The following NOS1AP variants were observed in gnomAD, a reference collection of about 807,000 sequenced individuals.
NOS1AP encodes carboxyl-terminal PDZ ligand of neuronal nitric oxide synthase protein.
Under a neutral mutation model 56.2 loss-of-function variants are expected in NOS1AP, and 21 were observed. The observed-to-expected ratio is 0.37, with a 90% CI of 0.26 to 0.54. The LOEUF (loss-of-function observed/expected upper bound fraction) is 0.54, where lower values mean the gene tolerates loss of function less well. Among genes scored for constraint, NOS1AP ranks in the 20% least tolerant of loss-of-function variants. The probability of loss-of-function intolerance (pLI) is 0.84; values close to 1 mark genes in which losing one functional copy is unlikely to be tolerated. For synonymous variants in NOS1AP, 270 were observed against 274.6 expected (o/e 0.98, Z 0.17); for missense variants, 522 against 657.8 (o/e 0.79, Z 2.26).
chr1:162,137,192 C>T (rs192949275), intron 1 of NOS1AP, among the ~76,000 whole-genome samples: 6 of 152,166 alleles, frequency 3.9e-5, no homozygotes, highest in African/African-American at 1.4e-4. Context: ...TTGCACTCAG[C>T]CTCCTGCAAA....
intron 1 of NOS1AP, among the ~76,000 whole-genome samples, chr1:162,147,897 G>GC (rs1235876733): frequency 6.6e-6 from 1 of 152,110 alleles, no homozygotes; most frequent in African/African-American, 2.4e-5. Context: ...CTGAATAGAG[G>GC]CCCTGTTTGA....
At chr1:162,326,613 A>G (rs1416842196) in intron 4 of NOS1AP, among the ~76,000 whole-genome samples, 1 of 152,204 alleles carries the variant, frequency 6.6e-6, no homozygotes, top group Non-Finnish European at 1.5e-5. Flanking sequence ...CAGGAATGCT[A>G]ATATATGGTT....
intron 1 of NOS1AP, among the ~76,000 whole-genome samples, chr1:162,083,663 A>G (rs1691940488): frequency 6.6e-6 from 1 of 152,174 alleles, no homozygotes; most frequent in South Asian, 2.1e-4. Flanking sequence ...AAGTCACGTA[A>G]ATGCATTTTT....
intron 1 of NOS1AP, among the ~76,000 whole-genome samples, chr1:162,093,772 T>G (rs1365208234): frequency 6.6e-6 from 1 of 152,094 alleles, no homozygotes; most frequent in Non-Finnish European, 1.5e-5. Flanking sequence ...AGGCTGGTCT[T>G]GAACTCTTGG....
intron 4 of NOS1AP, chr1:162,317,870 C>G (rs923215063): frequency 6.6e-6 from 1 of 152,214 alleles, no homozygotes; most frequent in Non-Finnish European, 1.5e-5. Flanking sequence ...GGACACTTTA[C>G]TAAACATTAA....
At chr1:162,294,796 A>G (rs1240976412) in intron 3 of NOS1AP, among the ~76,000 whole-genome samples, 5 of 152,214 alleles carry the variant, frequency 3.3e-5, no homozygotes, top group Non-Finnish European at 5.9e-5. Context: ...ACATATCCAC[A>G]TATAGAATTT....
chr1:162,078,894 T>G (rs1691829566), intron 1 of NOS1AP, among the ~76,000 whole-genome samples: 1 of 152,188 alleles, frequency 6.6e-6, no homozygotes, highest in Non-Finnish European at 1.5e-5. Flanking sequence ...TAGAGCTGCT[T>G]GTCCTGTCCA....
chr1:162,169,361 G>A (rs1650653324), intron 2 of NOS1AP, among the ~76,000 whole-genome samples: 1 of 152,194 alleles, frequency 6.6e-6, no homozygotes, highest in South Asian at 2.1e-4. Flanking sequence ...TAAGAGTTTG[G>A]CTGCCTTTAA....
intron 1 of NOS1AP, among the ~76,000 whole-genome samples, chr1:162,106,329 A>G (rs1238821954): frequency 6.6e-6 from 1 of 152,154 alleles, no homozygotes; most frequent in Non-Finnish European, 1.5e-5. Context: ...TCCCAATGTG[A>G]GAACTCAGAT....
At chr1:162,256,439 C>A (rs1045235572) in intron 2 of NOS1AP, among the ~76,000 whole-genome samples, 1 of 152,148 alleles carries the variant, frequency 6.6e-6, no homozygotes, top group Admixed American at 6.5e-5. Flanking sequence ...TGGGATTTTC[C>A]CTTGTTGGCC....
intron 4 of NOS1AP, among the ~76,000 whole-genome samples, chr1:162,307,929 A>G (rs556720319): frequency 6.6e-6 from 1 of 152,334 alleles, no homozygotes; most frequent in African/African-American, 2.4e-5. Flanking sequence ...AGAGAAGGGA[A>G]GAAGGGTTGC....
rs1653278060 is a variant in NOS1AP at position 162,236,006 on chromosome 1, C to T, written c.178-51338C>T. Among the ~76,000 whole-genome samples the T allele has an allele frequency of 3.3e-5, 5 of 152,340 alleles. No individual in the cohort carries two copies. The South Asian group carries it at 8.3e-4, about 25-fold the overall frequency. On this transcript the variant is annotated intron_variant, in intron 2 of 9. Transcript: ENST00000361897. ...AAGAGTTTGTTAGGAGCACAGTCTA[C>T]ATGTTAAGTGATATTTCATGTCACT...
intron 2 of NOS1AP, among the ~76,000 whole-genome samples, chr1:162,174,340 A>G (rs1428911109): frequency 2.0e-5 from 3 of 147,414 alleles, no homozygotes; most frequent in African/African-American, 5.0e-5. Context: ...GTTCTCACTT[A>G]TAGGTGGGAA....
rs146554991 is a variant in NOS1AP at position 162,141,807 on chromosome 1, C to T, written c.106-12598C>T. On this transcript the variant is annotated intron_variant, in intron 1 of 9. Transcript: ENST00000361897. ...AGTTGCTGTTTTGTGATGCTGCTGC[C>T]GATGTTAATGAGAATGATTAATTCC... 6.0e-4 allele frequency among the ~76,000 whole-genome samples: 92 copies of T among 152,176 alleles called. 1 individual carries two copies. The highest frequency in any genetic ancestry group is 2.0e-3 in the African/African-American group (81 of 41,520).
intron 2 of NOS1AP, among the ~76,000 whole-genome samples, chr1:162,174,122 C>T (rs1326193483): frequency 7.2e-5 from 11 of 151,996 alleles, no homozygotes; most frequent in South Asian, 2.1e-4. Context: ...ATGTTTATTG[C>T]GGCACTATTC....
intron 2 of NOS1AP, among the ~76,000 whole-genome samples, chr1:162,221,585 A>G (rs1302018471): frequency 6.7e-6 from 1 of 149,244 alleles, no homozygotes; most frequent in Non-Finnish European, 1.5e-5. Flanking sequence ...GGTTAAGACC[A>G]TGGTGTCTGG....
chr1:162,292,580 TCTTA>T (rs1416310145), intron 3 of NOS1AP, among the ~76,000 whole-genome samples: 1 of 152,196 alleles, frequency 6.6e-6, no homozygotes, highest in Non-Finnish European at 1.5e-5. Context: ...TCGAACCTTG[TCTTA>T]CTTAAATCCC....
intron 2 of NOS1AP, among the ~76,000 whole-genome samples, chr1:162,271,160 G>A (rs147925646): frequency 6.6e-6 from 1 of 152,072 alleles, no homozygotes; most frequent in Non-Finnish European, 1.5e-5. Context: ...TGCAGTTTTT[G>A]TTCTTCTTCC....
chr1:162,268,878 C>G (rs1654504572), intron 2 of NOS1AP, among the ~76,000 whole-genome samples: 1 of 151,996 alleles, frequency 6.6e-6, no homozygotes, highest in African/African-American at 2.4e-5. Context: ...GAGAATCAAT[C>G]TAGGAAGTCC....
Sources: gnomAD v4.1 joint callset for allele counts (sites outside exome capture counted in the v4.1 genomes callset) on GRCh38, gnomAD v4.1.1 for gene constraint, MANE v1.5 for transcripts, NCBI Gene and HGNC (gene_info 2026-07-23, HGNC 2026-07-21) for gene names.